The following SLC4A10 variants were observed in gnomAD, a reference collection of about 807,000 sequenced individuals.
SLC4A10 encodes the protein solute carrier family 4 member 10, also known as sodium-driven chloride bicarbonate exchanger.
A neutral mutation model predicts 137.7 loss-of-function variants in SLC4A10; 42 were observed. The observed-to-expected ratio is 0.30, with a 90% CI of 0.24 to 0.39. The LOEUF (loss-of-function observed/expected upper bound fraction) is 0.39. Among genes scored for constraint, SLC4A10 ranks in the 10% least tolerant of loss-of-function variants. SLC4A10 has a pLI of 1.00. For synonymous variants in SLC4A10, 474 were observed against 464.1 expected, an observed-to-expected ratio of 1.02 and a Z score of -0.27; for missense variants, 925 against 1,355.0, an observed-to-expected ratio of 0.68 and a Z score of 4.98.
intron 10 of SLC4A10, among the ~76,000 whole-genome samples, chr2:161,891,131 C>T (rs922007048): frequency 6.6e-6 from 1 of 152,164 alleles, no homozygotes; most frequent in African/African-American, 2.4e-5. Context: ...CCCCCACTCT[C>T]TTCTGGCATG....
chr2:161,896,730 G>C (rs2063547230), intron 11 of SLC4A10, among the ~76,000 whole-genome samples: 1 of 152,046 alleles, frequency 6.6e-6, no homozygotes, highest in Non-Finnish European at 1.5e-5. Flanking sequence ...TTAAAGGATA[G>C]CCTCTAAGGC....
In SLC4A10 at chr2:161,958,541, C is replaced by T. The variant is rs1000166900; in HGVS notation, c.2848C>T (p.Leu950=). 6.2e-7 allele frequency: 1 copy of T among 1,610,282 alleles called. No homozygotes were observed. The highest frequency in any genetic ancestry group is 8.5e-7 in the Non-Finnish European group (1 of 1,177,886). Residue 950 remains leucine (L), a synonymous_variant, in exon 21 of 27, where the codon CTA becomes TTA. Coordinates refer to ENST00000446997, the MANE Select transcript of SLC4A10 (RefSeq NM_001178015.2). ...GTTTCTTTATATGGGTGCTTCATCT[C>T]TAAAGGGAATTCAGGTAAATTACTT... The part of the protein sequence containing the change: ...GVFLYMGASS[L]KGIQFFDRIK...
chr2:161,872,120 G>A (rs998781601), intron 6 of SLC4A10, among the ~76,000 whole-genome samples, 173 bp from the exon 7 acceptor site: 2 of 152,046 alleles, frequency 1.3e-5, no homozygotes, highest in Non-Finnish European at 2.9e-5. Context: ...ACCTGTTACT[G>A]ATAATAAGAA....
chr2:161,836,266 G>A (rs1037291761), intron 3 of SLC4A10, among the ~76,000 whole-genome samples: 1 of 152,182 alleles, frequency 6.6e-6, no homozygotes, highest in South Asian at 2.1e-4. Context: ...GGGAGGCTGA[G>A]GCAGGCAGAT....
At chr2:161,663,002 C>A (rs2038622728) in intron 1 of SLC4A10, among the ~76,000 whole-genome samples, 1 of 152,102 alleles carries the variant, frequency 6.6e-6, no homozygotes, top group African/African-American at 2.4e-5. Context: ...ATTGTCCACC[C>A]CCCTTCCCCC....
At chr2:161,886,046 C>T (rs2062248817) in intron 10 of SLC4A10, among the ~76,000 whole-genome samples, 1 of 152,098 alleles carries the variant, frequency 6.6e-6, no homozygotes, top group South Asian at 2.1e-4. Flanking sequence ...TTGCAGTGAG[C>T]TGAGATGGCA....
intron 14 of SLC4A10, 70 bp from the exon 15 acceptor site, chr2:161,905,572 A>C (rs1195373785): frequency 6.6e-7 from 1 of 1,514,634 alleles, no homozygotes; most frequent in Non-Finnish European, 8.8e-7. Context: ...GTTTATTTTC[A>C]TTTGCTTAAA....
chr2:161,696,695 G>A (rs1193489520), intron 1 of SLC4A10, among the ~76,000 whole-genome samples: 2 of 151,674 alleles, frequency 1.3e-5, no homozygotes, highest in Non-Finnish European at 2.9e-5. Context: ...TTTCTTAATC[G>A]AGTCTATCAT....
intron 23 of SLC4A10, 120 bp downstream of exon 23, chr2:161,965,293 C>A: frequency 1.1e-6 from 1 of 944,752 alleles, no homozygotes; most frequent in Non-Finnish European, 1.5e-6. Flanking sequence ...TGATCACTAA[C>A]AACCACAAGT....
At chr2:161,874,034 C>G (rs760040278) in intron 8 of SLC4A10, 29 bp downstream of exon 8, 5 of 1,559,346 alleles carry the variant, frequency 3.2e-6, no homozygotes, top group Non-Finnish European at 4.3e-6. Context: ...TCTATTTCTA[C>G]AGTGGTTCAA....
intron 10 of SLC4A10, among the ~76,000 whole-genome samples, chr2:161,889,768 T>C (rs902004629): frequency 6.6e-6 from 1 of 151,946 alleles, no homozygotes; most frequent in African/African-American, 2.4e-5. Context: ...AGGGTTTTTG[T>C]GTGTGTGTCT....
intron 11 of SLC4A10, among the ~76,000 whole-genome samples, chr2:161,899,617 A>G (rs2063887951): frequency 6.6e-6 from 1 of 152,110 alleles, no homozygotes; most frequent in Non-Finnish European, 1.5e-5. Flanking sequence ...TTTTGTCATT[A>G]TAAAATAGAG....
chr2:161,705,619 T>C (rs1296418314), intron 1 of SLC4A10, among the ~76,000 whole-genome samples: 1 of 151,570 alleles, frequency 6.6e-6, no homozygotes, highest in Admixed American at 6.6e-5. Context: ...ATTTGGGAGA[T>C]GATTAGACCA....
At chr2:161,850,930 C>G (rs1559386738) in intron 4 of SLC4A10, among the ~76,000 whole-genome samples, 1 of 152,104 alleles carries the variant, frequency 6.6e-6, no homozygotes, top group Non-Finnish European at 1.5e-5. Flanking sequence ...TCATTAGTTT[C>G]AAGGAATTTC....
intron 5 of SLC4A10, among the ~76,000 whole-genome samples, chr2:161,855,989 TG>T (rs1233826913): frequency 1.3e-5 from 2 of 152,092 alleles, no homozygotes; most frequent in Non-Finnish European, 2.9e-5. Flanking sequence ...TTTTTAATCA[TG>T]TATATGAAAA....
chr2:161,871,359 G>A (rs191528992), intron 6 of SLC4A10, among the ~76,000 whole-genome samples: 1 of 151,206 alleles, frequency 6.6e-6, no homozygotes, highest in East Asian at 2.0e-4. Context: ...TCATAAATAT[G>A]AGCAAGGCTT....
chr2:161,633,642 A>T (rs1258611334), intron 1 of SLC4A10, among the ~76,000 whole-genome samples: 1 of 151,730 alleles, frequency 6.6e-6, no homozygotes, highest in Non-Finnish European at 1.5e-5. Context: ...TATTATTCTT[A>T]TTCTTGGCTT....
intron 1 of SLC4A10, among the ~76,000 whole-genome samples, chr2:161,675,093 T>C (rs974770124): frequency 3.9e-5 from 6 of 152,208 alleles, no homozygotes; most frequent in African/African-American, 1.4e-4. Context: ...ATTAGAATTG[T>C]GAAGTTGCAA....
At chr2:161,752,305 G>A (rs1559169307) in intron 1 of SLC4A10, among the ~76,000 whole-genome samples, 1 of 151,854 alleles carries the variant, frequency 6.6e-6, no homozygotes, top group Non-Finnish European at 1.5e-5. Flanking sequence ...CTCTCTTGAA[G>A]AAGAGGTCAA....
Sources: allele counts gnomAD v4.1 joint callset (sites outside exome capture counted in the v4.1 genomes callset), GRCh38; gene constraint gnomAD v4.1.1; transcripts MANE v1.5; gene names NCBI Gene and HGNC (gene_info 2026-07-23, HGNC 2026-07-21).